Variants in SORCS1 observed in about 807,000 individuals in gnomAD.
The protein encoded by SORCS1 is sortilin related VPS10 domain containing receptor 1, also known as VPS10 domain-containing receptor SorCS1.
In SORCS1, 60 loss-of-function variants were observed where a neutral mutation model predicts 146.1. The ratio of observed to expected loss-of-function variants is 0.41; its 90% CI spans 0.33 to 0.51. The LOEUF (loss-of-function observed/expected upper bound fraction) is 0.51, where lower values mean the gene tolerates loss of function less well. Ranked by LOEUF, SORCS1 falls within the 20% of genes least tolerant of loss-of-function variation. The pLI is 0.21. For synonymous variants in SORCS1, 637 were observed against 584.0 expected, an observed-to-expected ratio of 1.09 and a Z score of -1.31; for missense variants, 1,352 against 1,487.6, an observed-to-expected ratio of 0.91 and a Z score of 1.50.
intron 3 of SORCS1, among the ~76,000 whole-genome samples, chr10:106,791,769 G>C (rs1564661637): frequency 6.6e-6 from 1 of 152,158 alleles, no homozygotes; most frequent in Non-Finnish European, 1.5e-5. Flanking sequence ...TTTCAGAAGA[G>C]TATACTAATT....
At chr10:106,713,988 C>T (rs1855178941) in intron 6 of SORCS1, among the ~76,000 whole-genome samples, 1 of 151,576 alleles carries the variant, frequency 6.6e-6, no homozygotes. Context: ...AATAATTAGC[C>T]AGGCATGGTG....
intron 7 of SORCS1, among the ~76,000 whole-genome samples, chr10:106,706,850 T>C (rs1029231528): frequency 8.5e-5 from 13 of 152,138 alleles, no homozygotes; most frequent in Non-Finnish European, 1.0e-4. Context: ...TGGACAAAAA[T>C]ACAATTCTTA....
chr10:106,891,010 T>C (rs115077567), intron 2 of SORCS1, among the ~76,000 whole-genome samples: 1,570 of 152,300 alleles, frequency 0.01, 31 homozygotes, highest in African/African-American at 0.036. Context: ...GTAGTATTTA[T>C]GATACATTTT....
chr10:106,679,918 C>A (rs954496450), intron 10 of SORCS1, among the ~76,000 whole-genome samples, 184 bp from the exon 11 acceptor site: 4 of 152,108 alleles, frequency 2.6e-5, no homozygotes, highest in African/African-American at 9.7e-5. Context: ...CTAGTGTCCA[C>A]TAAGTGTAAA....
At chr10:106,866,476 T>C (rs1235191553) in intron 2 of SORCS1, among the ~76,000 whole-genome samples, 2 of 152,134 alleles carry the variant, frequency 1.3e-5, no homozygotes, top group Non-Finnish European at 2.9e-5. Context: ...ACTACTAAGG[T>C]CTCTTCCTCT....
intron 4 of SORCS1, among the ~76,000 whole-genome samples, chr10:106,769,937 G>A (rs1273542699): frequency 6.6e-6 from 1 of 151,866 alleles, no homozygotes; most frequent in Non-Finnish European, 1.5e-5. Flanking sequence ...CTAAAAAAAT[G>A]CAAAAATTAG....
intron 2 of SORCS1, among the ~76,000 whole-genome samples, chr10:106,941,951 C>T (rs1049196362): frequency 6.6e-6 from 1 of 152,136 alleles, no homozygotes. Context: ...GCTTAGTGTT[C>T]CCCAAAGGTG....
chr10:106,782,499 C>T (rs1860972987), intron 3 of SORCS1, among the ~76,000 whole-genome samples: 1 of 152,108 alleles, frequency 6.6e-6, no homozygotes, highest in Non-Finnish European at 1.5e-5. Flanking sequence ...GAGACCCAAC[C>T]CATTAATTAT....
intron 1 of SORCS1, among the ~76,000 whole-genome samples, chr10:107,115,994 T>C (rs1397678656): frequency 3.3e-5 from 5 of 152,056 alleles, no homozygotes; most frequent in Admixed American, 2.0e-4. Context: ...TTTGTATGTT[T>C]TCTTTGAAAA....
chr10:106,750,687 C>CTGCA (rs1858100171), intron 5 of SORCS1, among the ~76,000 whole-genome samples: 2 of 125,380 alleles, frequency 1.6e-5, no homozygotes, highest in African/African-American at 6.2e-5. Context: ...CGAGATCGCA[C>CTGCA]CACTGCACTC....
At chr10:106,720,552 C>T (rs898398172) in intron 6 of SORCS1, among the ~76,000 whole-genome samples, 8 of 127,568 alleles carry the variant, frequency 6.3e-5, no homozygotes, top group South Asian at 2.7e-4. Flanking sequence ...GAGTAAATGC[C>T]GATGCTACTT....
At chr10:107,075,587 A>G (rs1962807560) in intron 1 of SORCS1, among the ~76,000 whole-genome samples, 2 of 152,148 alleles carry the variant, frequency 1.3e-5, no homozygotes, top group Non-Finnish European at 2.9e-5. Context: ...ACAGAAATGT[A>G]TCTTTGGGCT....
At position 106,949,394 on chromosome 10, in the gene SORCS1, C is replaced by T. The variant is rs1010382862; in HGVS notation, c.626+7119G>A. Reference sequence around the variant, plus strand: ...GACGTGGCGTGGAGGAGAAGGGAGGCGTTGGGACTCACTCACAGGGCTTGC... The same window carrying T: ...GACGTGGCGTGGAGGAGAAGGGAGGTGTTGGGACTCACTCACAGGGCTTGC... On this transcript the variant is annotated intron_variant, in intron 2 of 25. Transcript: ENST00000263054. 2.6e-5 allele frequency among the ~76,000 whole-genome samples: 4 copies of T among 152,218 alleles called. No homozygotes were observed. The South Asian group carries it at 6.2e-4, about 24-fold the overall frequency.
At chr10:106,593,830 G>C (rs1398325199) in intron 24 of SORCS1, among the ~76,000 whole-genome samples, 1 of 152,100 alleles carries the variant, frequency 6.6e-6, no homozygotes. Context: ...TACTGCAAGG[G>C]GTTCTTCTTT....
chr10:106,968,076 G>A (rs1320183434), intron 1 of SORCS1, among the ~76,000 whole-genome samples: 2 of 151,962 alleles, frequency 1.3e-5, no homozygotes, highest in Non-Finnish European at 2.9e-5. Context: ...TGGGCGTGGT[G>A]GCGGGTGCCT....
intron 3 of SORCS1, among the ~76,000 whole-genome samples, chr10:106,789,008 T>C (rs113399403): frequency 0.011 from 1,663 of 152,258 alleles, 28 homozygotes; most frequent in African/African-American, 0.037. Context: ...GGTTCCCAAA[T>C]CTCAATTCTT....
At chr10:106,888,927 A>G (rs986949770) in intron 2 of SORCS1, among the ~76,000 whole-genome samples, 1 of 152,246 alleles carries the variant, frequency 6.6e-6, no homozygotes, top group African/African-American at 2.4e-5. Context: ...AGTATTTAAA[A>G]TCACAAGGTG....
intron 2 of SORCS1, among the ~76,000 whole-genome samples, chr10:106,844,881 T>G (rs1949251618): frequency 6.6e-6 from 1 of 150,624 alleles, no homozygotes; most frequent in South Asian, 2.1e-4. Context: ...GGTTTCCAAT[T>G]TCATCCATGG....
At chr10:107,086,937 G>A (rs207471363) in intron 1 of SORCS1, among the ~76,000 whole-genome samples, 1 of 152,208 alleles carries the variant, frequency 6.6e-6, no homozygotes, top group Admixed American at 6.5e-5. Context: ...GCTGAGGCAG[G>A]AGAATGGTGT....
Sources: gnomAD v4.1 joint callset for allele counts (sites outside exome capture counted in the v4.1 genomes callset) on GRCh38, gnomAD v4.1.1 for gene constraint, MANE v1.5 for transcripts, NCBI Gene and HGNC (gene_info 2026-07-23, HGNC 2026-07-21) for gene names.